ANKLE2: variants seen among roughly 807,000 people sequenced by gnomAD.
ANKLE2 encodes ankyrin repeat and LEM domain-containing protein 2.
ANKLE2 carries 55 observed loss-of-function variants against 84.2 expected under a neutral mutation model. The observed-to-expected ratio is 0.65, with a 90% confidence interval of 0.53 to 0.82. The LOEUF (loss-of-function observed/expected upper bound fraction) is 0.82, where lower values mean the gene tolerates loss of function less well. ANKLE2 is among the 40% of genes least tolerant of loss of function. The pLI is 0.00. For synonymous variants in ANKLE2, 551 were observed against 486.1 expected, an observed-to-expected ratio of 1.13 and a Z score of -1.76; for missense variants, 1,238 against 1,201.9, an observed-to-expected ratio of 1.03 and a Z score of -0.44.
At position 132,755,013 on chromosome 12, in the gene ANKLE2, A is replaced by T; in HGVS notation, c.302T>A (p.Ile101Asn). 1.2e-6 allele frequency: 2 copies of T among 1,614,204 alleles called. No homozygotes were observed. Among genetic ancestry groups the T allele is most frequent in the Non-Finnish European group, 1.7e-6 (2 of 1,180,044 alleles). The change falls in exon 2 of 13, where the codon ATT (isoleucine) becomes AAT (asparagine). Residue 101 changes from isoleucine to asparagine, a missense_variant. Coordinates refer to ENST00000357997, the MANE Select transcript of ANKLE2 (RefSeq NM_015114.3). ...CGPITSTTRFIFEKKLAQALL... is the reference protein window; with the variant it reads ...CGPITSTTRFNFEKKLAQALL... Reference sequence around the variant, plus strand: ...AGCCTGAGCCAATTTTTTCTCAAAAATGAACCTTGTAGTTGATGTAATGGG... The same window carrying T: ...AGCCTGAGCCAATTTTTTCTCAAAATTGAACCTTGTAGTTGATGTAATGGG...
At chr12:132,729,315 C>T (rs1413535571) in intron 11 of ANKLE2, among the ~76,000 whole-genome samples, 2 of 116,474 alleles carry the variant, frequency 1.7e-5, no homozygotes, top group Non-Finnish European at 3.5e-5. Context: ...CGCACCACTG[C>T]ACTCCAGCCT....
chr12:132,727,241 C>A lies in ANKLE2; in HGVS notation c.*1G>T. On this transcript the variant is annotated 3_prime_UTR_variant, in exon 13 of 13. Transcript: ENST00000357997. ...AACAAACCGAGAGCCCAGCGCCAAG[C>A]CTACAGGGCGGCAAGCTCAGCCAGG... 1 of 1,550,802 alleles carries A rather than the reference C, an allele frequency of 6.4e-7. No homozygotes were observed. Among genetic ancestry groups the A allele is most frequent in the Admixed American group, 1.9e-5 (1 of 51,716 alleles).
chr12:132,732,606 C>T (rs1172092770), intron 10 of ANKLE2, among the ~76,000 whole-genome samples: 3 of 134,370 alleles, frequency 2.2e-5, no homozygotes, highest in Non-Finnish European at 3.2e-5. Flanking sequence ...CCGTGTGAAG[C>T]TCTCTGCGTC....
At chr12:132,750,554 C>G in intron 3 of ANKLE2, 89 bp downstream of exon 3, 1 of 1,435,736 alleles carries the variant, frequency 7.0e-7, no homozygotes, top group Non-Finnish European at 9.7e-7. Context: ...ATGGAGAAAA[C>G]AAGTTACCAC....
At chr12:132,744,336 T>A (rs2044190142) in intron 5 of ANKLE2, among the ~76,000 whole-genome samples, 1 of 152,036 alleles carries the variant, frequency 6.6e-6, no homozygotes. Flanking sequence ...AGAAACACCT[T>A]CTCTCGTCAC....
At chr12:132,748,404 T>G in intron 3 of ANKLE2, 73 bp from the exon 4 acceptor site, 1 of 1,551,386 alleles carries the variant, frequency 6.4e-7, no homozygotes, top group Non-Finnish European at 8.8e-7. Context: ...CACCCTCTGA[T>G]GAGGGATAAG....
Position 132,727,265 on chromosome 12 carries a change from GGC to G in ANKLE2, c.2792_2793del (p.Arg931ProfsTer3). The G allele has an allele frequency of 6.4e-7, 1 of 1,561,680 alleles. No individual in the cohort carries two copies. The highest frequency in any genetic ancestry group is 8.7e-7 in the Non-Finnish European group (1 of 1,152,692). On this transcript the variant is annotated frameshift_variant, in exon 13 of 13. Coordinates refer to ENST00000357997, the MANE Select transcript of ANKLE2 (RefSeq NM_015114.3). LOFTEE classifies it high-confidence loss of function. Reference sequence around the variant, plus strand: ...GCCTACAGGGCGGCAAGCTCAGCCAGGCGCGCCATCCTGCGGAGCTGGCTCCC... The same window carrying G: ...GCCTACAGGGCGGCAAGCTCAGCCAGGCGCCATCCTGCGGAGCTGGCTCCC... ...VHGSQLRRMA[R>X]LAELAAL is the part of the protein sequence containing the mutation.
intron 7 of ANKLE2, among the ~76,000 whole-genome samples, chr12:132,740,108 C>T (rs1377162655): frequency 1.3e-5 from 2 of 152,230 alleles, no homozygotes; most frequent in African/African-American, 4.8e-5. Flanking sequence ...AGCAGACTCT[C>T]GGCTCTTCAG....
intron 11 of ANKLE2, among the ~76,000 whole-genome samples, chr12:132,729,012 C>T (rs751132638): frequency 1.3e-5 from 2 of 152,068 alleles, no homozygotes; most frequent in Non-Finnish European, 2.9e-5. Flanking sequence ...CATCTAGAAG[C>T]TGGACTCAGA....
intron 7 of ANKLE2, among the ~76,000 whole-genome samples, chr12:132,739,740 A>T (rs1379352876): frequency 6.6e-6 from 1 of 152,232 alleles, no homozygotes; most frequent in African/African-American, 2.4e-5. Context: ...GGTGGGATGC[A>T]GGATGCAGCC....
intron 5 of ANKLE2, among the ~76,000 whole-genome samples, chr12:132,746,131 G>A (rs939272525): frequency 5.3e-5 from 8 of 151,762 alleles, no homozygotes; most frequent in Non-Finnish European, 8.8e-5. Context: ...GGCCGATCAC[G>A]AGGTCAGGAG....
chr12:132,734,223 T>G (rs1013499226), intron 10 of ANKLE2, among the ~76,000 whole-genome samples, 162 bp downstream of exon 10: 5 of 151,946 alleles, frequency 3.3e-5, no homozygotes, highest in African/African-American at 1.2e-4. Context: ...CCAGCTTGGG[T>G]AACAAAGAGA....
Position 132,729,713 on chromosome 12 carries a change from T to A in ANKLE2, c.2449A>T (p.Thr817Ser). Residue 817 changes from threonine (T) to serine (S), a missense_variant, in exon 11 of 13, where the codon ACC becomes TCC. Coordinates refer to ENST00000357997, the MANE Select transcript of ANKLE2 (RefSeq NM_015114.3). ...AAGAGCCGCCTGGCCGGTTCCCTGG[T>A]GACCTCGAGCTGATCCTCGTGCCTG... ...SPRHEDQLEV[T>S]REPARRLFLF... 1 of 1,608,596 alleles carries A rather than the reference T, an allele frequency of 6.2e-7. No individual in the cohort carries two copies. Among genetic ancestry groups the A allele is most frequent in the Non-Finnish European group, 8.5e-7 (1 of 1,178,756 alleles).
chr12:132,741,652 C>T lies in ANKLE2; in HGVS notation c.1354-167G>A, dbSNP rs906772589. On this transcript the variant is annotated intron_variant, in intron 6 of 12. Transcript: ENST00000357997. Reference sequence around the variant, plus strand: ...AAAACGTGTGAAGAGTGTGGTCTTTCTAAAAGTCTAAGGAGACAGCTAGGA... The same window carrying T: ...AAAACGTGTGAAGAGTGTGGTCTTTTTAAAAGTCTAAGGAGACAGCTAGGA... 1.8e-5 allele frequency: 13 copies of T among 709,328 alleles called. No homozygotes were observed. The African/African-American group carries it at 2.1e-4, about 12-fold the overall frequency. 43.9% of individuals were successfully genotyped at this position (709,328 alleles called of 1,614,324 possible).
chr12:132,748,104 C>T (rs771779426), intron 4 of ANKLE2, 34 bp downstream of exon 4: 38 of 1,609,052 alleles, frequency 2.4e-5, no homozygotes, highest in South Asian at 1.9e-4. Context: ...CGGCCGGGAC[C>T]GCACACCTGC....
In ANKLE2 at chr12:132,725,610, A is replaced by G. The variant is rs2043686190; in HGVS notation, c.*1632T>C. 1 of 152,252 alleles carries G rather than the reference A, an allele frequency of 6.6e-6. No homozygotes were observed. The highest frequency in any genetic ancestry group is 6.5e-5 in the Admixed American group (1 of 15,282). The allele number at this position is 152,252 out of a possible 1,614,324, so 9.4% of individuals were successfully genotyped here. Reference sequence around the variant, plus strand: ...AATCGCTGCCCACAAACAAACGGAGAAACAGTCAAAGGTGGCCTAAGACCT... The same window carrying G: ...AATCGCTGCCCACAAACAAACGGAGGAACAGTCAAAGGTGGCCTAAGACCT... On this transcript the variant is annotated 3_prime_UTR_variant, in exon 13 of 13. Coordinates refer to ENST00000357997, the MANE Select transcript of ANKLE2 (RefSeq NM_015114.3).
rs759717835 is a variant in ANKLE2, at chr12:132,729,750, A to T, written c.2412T>A (p.Ser804Arg). Residue 804 changes from serine to arginine, a missense_variant, in exon 11 of 13, where the codon AGT becomes AGA. Ser to Arg is a moderately radical substitution (Grantham distance 110, BLOSUM62 -1). Coordinates refer to ENST00000357997, the MANE Select transcript of ANKLE2 (RefSeq NM_015114.3). The part of the protein sequence containing the change: ...MSARIAKMSL[S>R]PSSPRHEDQL... ...GATCCTCGTGCCTGGGGCTGCTGGG[A>T]CTCAAGGACATTTTAGCGATCCTGG... 6.2e-7 allele frequency: 1 copy of T among 1,611,006 alleles called. No homozygotes were observed.
intron 10 of ANKLE2, among the ~76,000 whole-genome samples, chr12:132,732,485 T>C (rs2136112066): frequency 6.9e-6 from 1 of 145,710 alleles, no homozygotes; most frequent in African/African-American, 2.5e-5. Context: ...ACATGCACCG[T>C]GTGAAGCTCT....
chr12:132,747,591 T>C (rs1402691333), intron 5 of ANKLE2, among the ~76,000 whole-genome samples: 1 of 152,080 alleles, frequency 6.6e-6, no homozygotes, highest in Non-Finnish European at 1.5e-5. Context: ...CCCCAGACAG[T>C]TCAGACACCC....
Sources: allele counts gnomAD v4.1 joint callset (sites outside exome capture counted in the v4.1 genomes callset), GRCh38; gene constraint gnomAD v4.1.1; transcripts MANE v1.5; gene names NCBI Gene and HGNC (gene_info 2026-07-23, HGNC 2026-07-21).